The following COQ10B variants were observed in gnomAD, a reference collection of about 807,000 sequenced individuals.
COQ10B encodes coenzyme Q10B.
COQ10B carries 12 observed loss-of-function variants against 27.6 expected under a neutral mutation model. That is an observed-to-expected ratio of 0.43 (90% CI 0.28 to 0.70). The LOEUF is 0.70. COQ10B is among the 30% of genes least tolerant of loss of function. COQ10B has a pLI of 0.17. For synonymous variants in COQ10B, 115 were observed against 103.0 expected (o/e 1.12, Z -0.71); for missense variants, 278 against 288.7 (o/e 0.96, Z 0.27).
chr2:197,472,167 G>A (rs113290167), intron 4 of COQ10B, among the ~76,000 whole-genome samples: 8 of 151,110 alleles, frequency 5.3e-5, no homozygotes, highest in South Asian at 2.1e-4. Context: ...AAATTATTTC[G>A]TAATGAAAGA....
At chr2:197,458,612 G>A (rs1444746244) in intron 1 of COQ10B, among the ~76,000 whole-genome samples, 1 of 151,942 alleles carries the variant, frequency 6.6e-6, no homozygotes, top group Non-Finnish European at 1.5e-5. Flanking sequence ...AATTATCCTG[G>A]CCAGCAATGA....
chr2:197,470,112 A>G lies in COQ10B; in HGVS notation c.490A>G (p.Ile164Val). The G allele has an allele frequency of 2.5e-6, 4 of 1,613,568 alleles. No individual in the cohort carries two copies. The highest frequency in any genetic ancestry group is 2.2e-5 in the South Asian group (2 of 91,038). Residue 164 changes from isoleucine (I) to valine (V), a missense_variant, in exon 4 of 5, where the codon ATT becomes GTT. Transcript: ENST00000263960. ...GAGACTTTTCAATCATTTGGAGACT[A>G]TTTGGCGTTTTAGCCCAGGTCTTCC... ...DGRLFNHLET[I>V]WRFSPGLPGY...
At chr2:197,457,938 A>G (rs1011424404) in intron 1 of COQ10B, among the ~76,000 whole-genome samples, 4 of 152,018 alleles carry the variant, frequency 2.6e-5, no homozygotes, top group African/African-American at 7.2e-5. Context: ...ACATTTTAAC[A>G]GATAGTCATG....
chr2:197,457,266 T>C (rs970693546), intron 1 of COQ10B, among the ~76,000 whole-genome samples: 12 of 152,204 alleles, frequency 7.9e-5, no homozygotes, highest in African/African-American at 2.7e-4. Context: ...CCGTCTTCTA[T>C]ACCACTGTAG....
chr2:197,471,433 C>T (rs999251350), intron 4 of COQ10B, among the ~76,000 whole-genome samples: 31 of 152,096 alleles, frequency 2.0e-4, no homozygotes, highest in African/African-American at 7.0e-4. Context: ...TGAGCCACCG[C>T]ACCCAGCCTA....
In COQ10B at chr2:197,473,783, A is replaced by G. The variant is rs2085918868; in HGVS notation, c.576A>G (p.Leu192=). 6.3e-7 allele frequency: 1 copy of G among 1,583,756 alleles called. No homozygotes were observed. The highest frequency in any genetic ancestry group is 8.6e-7 in the Non-Finnish European group (1 of 1,164,838). The stretch of plus-strand genomic sequence containing the variant: ...TTTCTTTTGAATTTCGATCACTTCT[A>G]CATTCCCAGCTTGCCACACTCTTTT... ...FSISFEFRSL[L]HSQLATLFFD... is the part of the protein sequence containing the mutation. Residue 192 remains leucine, a synonymous_variant, in exon 5 of 5, where the codon CTA becomes CTG. Transcript: ENST00000263960.
At chr2:197,473,403 A>AC (rs1491217434) in intron 4 of COQ10B, among the ~76,000 whole-genome samples, 10 of 45,774 alleles carry the variant, frequency 2.2e-4, no homozygotes, top group East Asian at 9.0e-4. Context: ...CCCCCCCCAC[A>AC]AAAAAAAAAA....
At chr2:197,471,247 A>T (rs955293058) in intron 4 of COQ10B, among the ~76,000 whole-genome samples, 1 of 151,860 alleles carries the variant, frequency 6.6e-6, no homozygotes, top group African/African-American at 2.4e-5. Flanking sequence ...GGCTCAAGTG[A>T]TCCTCACACC....
At chr2:197,462,289 C>G (rs904115606) in intron 2 of COQ10B, among the ~76,000 whole-genome samples, 1 of 151,148 alleles carries the variant, frequency 6.6e-6, no homozygotes, top group Non-Finnish European at 1.5e-5. Flanking sequence ...AAAAAAATTA[C>G]CTCTTTATGT....
At chr2:197,473,398 C>T (rs1457055934) in intron 4 of COQ10B, among the ~76,000 whole-genome samples, 12 of 107,494 alleles carry the variant, frequency 1.1e-4, no homozygotes, top group African/African-American at 4.4e-4. Flanking sequence ...TACGCCCCCC[C>T]CCACAAAAAA....
intron 2 of COQ10B, among the ~76,000 whole-genome samples, chr2:197,462,309 C>T (rs2085769471): frequency 6.6e-6 from 1 of 151,632 alleles, no homozygotes; most frequent in Non-Finnish European, 1.5e-5. Flanking sequence ...TCAGATTCAA[C>T]CTGTGAGATG....
At chr2:197,458,971 C>T (rs553977666) in intron 1 of COQ10B, among the ~76,000 whole-genome samples, 7 of 152,246 alleles carry the variant, frequency 4.6e-5, no homozygotes, top group African/African-American at 7.2e-5. Context: ...TGAGCCACCT[C>T]ACCCAGTCAC....
intron 1 of COQ10B, among the ~76,000 whole-genome samples, chr2:197,459,454 C>A (rs2085733794): frequency 1.3e-5 from 2 of 152,154 alleles, no homozygotes; most frequent in African/African-American, 2.4e-5. Flanking sequence ...GTTTGAGCCA[C>A]CATGCTTGGC....
chr2:197,467,815 T>G (rs2085840996), intron 3 of COQ10B, among the ~76,000 whole-genome samples: 1 of 152,264 alleles, frequency 6.6e-6, no homozygotes, highest in South Asian at 2.1e-4. Flanking sequence ...AACATGCCTG[T>G]CACTTAATAT....
At chr2:197,462,162 G>T (rs561382698) in intron 2 of COQ10B, among the ~76,000 whole-genome samples, 11 of 151,628 alleles carry the variant, frequency 7.3e-5, no homozygotes, top group African/African-American at 2.7e-4. Context: ...CCAGCTACTC[G>T]GGAGACTGAG....
At chr2:197,457,310 A>G (rs926664796) in intron 1 of COQ10B, among the ~76,000 whole-genome samples, 2 of 152,228 alleles carry the variant, frequency 1.3e-5, no homozygotes, top group African/African-American at 2.4e-5. Flanking sequence ...TATAGTTTCA[A>G]ATAGGTAGAA....
chr2:197,461,584 T>C (rs2085758150), intron 2 of COQ10B, among the ~76,000 whole-genome samples: 2 of 151,264 alleles, frequency 1.3e-5, no homozygotes, highest in Non-Finnish European at 2.9e-5. Flanking sequence ...TGTGTGTGTG[T>C]GTGTGTGTGT....
chr2:197,461,786 G>A (rs892710899), intron 2 of COQ10B, among the ~76,000 whole-genome samples: 6 of 151,990 alleles, frequency 3.9e-5, no homozygotes, highest in Non-Finnish European at 5.9e-5. Flanking sequence ...GATTACAAGC[G>A]TGTGCCACCA....
At chr2:197,456,423 C>T (rs992009506) in intron 1 of COQ10B, among the ~76,000 whole-genome samples, 32 of 149,742 alleles carry the variant, frequency 2.1e-4, no homozygotes, top group Non-Finnish European at 3.5e-4. Flanking sequence ...GAGATAGCAC[C>T]GCTGCACTCC....
Sources: gnomAD v4.1 joint callset for allele counts (sites outside exome capture counted in the v4.1 genomes callset) on GRCh38, gnomAD v4.1.1 for gene constraint, MANE v1.5 for transcripts, NCBI Gene and HGNC (gene_info 2026-07-23, HGNC 2026-07-21) for gene names.